CCDC171: variants seen among roughly 807,000 people sequenced by gnomAD.
CCDC171 encodes the protein coiled-coil domain-containing protein 171.
In CCDC171, 177 loss-of-function variants were observed where a neutral mutation model predicts 168.2. That is an observed-to-expected ratio of 1.05 (90% CI 0.93 to 1.19). The LOEUF (loss-of-function observed/expected upper bound fraction) is 1.19. Ranked by LOEUF, CCDC171 falls within the 50% of genes most tolerant of loss-of-function variation. The pLI is 0.00. For missense variants in CCDC171, 1,991 were observed against 1,539.0 expected, an observed-to-expected ratio of 1.29 and a Z score of -4.91; for synonymous variants, 687 against 540.8, an observed-to-expected ratio of 1.27 and a Z score of -3.75.
chr9:15,822,977 C>G (rs1275026261), intron 21 of CCDC171, among the ~76,000 whole-genome samples: 10 of 152,102 alleles, frequency 6.6e-5, no homozygotes, highest in Non-Finnish European at 1.5e-4. Flanking sequence ...AATTGTGGCA[C>G]ATATACACAA....
chr9:15,639,016 A>T (rs1335301015), intron 7 of CCDC171, among the ~76,000 whole-genome samples: 6 of 152,252 alleles, frequency 3.9e-5, no homozygotes, highest in Non-Finnish European at 8.8e-5. Flanking sequence ...CTTTGCAAAT[A>T]AATTCTGAAT....
At chr9:15,718,666 T>C (rs1270854198) in intron 11 of CCDC171, among the ~76,000 whole-genome samples, 1 of 151,936 alleles carries the variant, frequency 6.6e-6, no homozygotes, top group African/African-American at 2.4e-5. Flanking sequence ...GCAACAAGAG[T>C]CTCTATGTAG....
chr9:15,828,200 G>A (rs2060093147), intron 21 of CCDC171, among the ~76,000 whole-genome samples: 1 of 152,098 alleles, frequency 6.6e-6, no homozygotes, highest in Non-Finnish European at 1.5e-5. Context: ...GTGAGGAAAT[G>A]CATAGTTGTT....
At chr9:15,648,928 C>T (rs1329321208) in intron 7 of CCDC171, among the ~76,000 whole-genome samples, 1 of 152,200 alleles carries the variant, frequency 6.6e-6, no homozygotes, top group African/African-American at 2.4e-5. Flanking sequence ...AGAAAAGAGA[C>T]CGCATTGCCA....
chr9:16,102,115 T>G, the CCDC171 span, among the ~76,000 whole-genome samples: 1 of 152,196 alleles, frequency 6.6e-6, no homozygotes, highest in South Asian at 2.1e-4. Context: ...GGGTTTCTGG[T>G]GTAGGCACCA....
chr9:15,982,396 A>G (rs772902287), intron 3 of CCDC171, among the ~76,000 whole-genome samples: 2 of 152,098 alleles, frequency 1.3e-5, no homozygotes, highest in Non-Finnish European at 2.9e-5. Context: ...TACCTTCTCT[A>G]CTGAGCTCTT....
chr9:15,994,600 C>G (rs2132925735), intron 3 of CCDC171, among the ~76,000 whole-genome samples: 1 of 151,996 alleles, frequency 6.6e-6, no homozygotes, highest in African/African-American at 2.4e-5. Flanking sequence ...AAAAGTTTCT[C>G]TTAGATTTTA....
At chr9:16,011,670 C>T (rs897511115) in intron 3 of CCDC171, among the ~76,000 whole-genome samples, 1 of 152,134 alleles carries the variant, frequency 6.6e-6, no homozygotes, top group African/African-American at 2.4e-5. Flanking sequence ...TCCATACAGT[C>T]ATTCAGCATT....
chr9:16,070,604 G>A, the CCDC171 span, among the ~76,000 whole-genome samples: 1 of 152,174 alleles, frequency 6.6e-6, no homozygotes, highest in Non-Finnish European at 1.5e-5. Flanking sequence ...GGGAAGCCAG[G>A]GATGGGTGTG....
the CCDC171 span, among the ~76,000 whole-genome samples, chr9:16,080,304 T>C: frequency 1.3e-5 from 2 of 152,224 alleles, no homozygotes; most frequent in Non-Finnish European, 2.9e-5. Flanking sequence ...TTATTGGTTT[T>C]TTTCCCCCAG....
At chr9:15,804,068 G>T (rs1333420156) in intron 21 of CCDC171, among the ~76,000 whole-genome samples, 1 of 152,052 alleles carries the variant, frequency 6.6e-6, no homozygotes, top group African/African-American at 2.4e-5. Flanking sequence ...AGTGATTTTT[G>T]CACATTGATT....
At position 16,008,411 on chromosome 9, in the gene CCDC171, C is replaced by T. The variant is rs144605419; in HGVS notation, n.369-12178C>T. On this transcript the variant is annotated intron_variant and non_coding_transcript_variant, in intron 3 of 9. Coordinates refer to the CCDC171 transcript ENST00000486641. ...CTCATCTAAGTCTGACATACTTGTC[C>T]GCACATTCGTGACTATAGAGGTTAT... Among the ~76,000 whole-genome samples, 652 of 152,052 alleles carry T rather than the reference C, an allele frequency of 4.3e-3. 3 individuals are homozygous for T. Among genetic ancestry groups the T allele is most frequent in the Non-Finnish European group, 6.4e-3 (438 of 67,962 alleles).
intron 24 of CCDC171, among the ~76,000 whole-genome samples, chr9:15,895,282 G>C (rs113255051): frequency 2.6e-5 from 4 of 152,220 alleles, no homozygotes; most frequent in African/African-American, 9.6e-5. Flanking sequence ...TCAGAGAATG[G>C]CTGCCTTTTG....
At chr9:15,836,914 C>G (rs1319110239) in intron 21 of CCDC171, among the ~76,000 whole-genome samples, 1 of 152,160 alleles carries the variant, frequency 6.6e-6, no homozygotes, top group Non-Finnish European at 1.5e-5. Flanking sequence ...AAATCTACTG[C>G]GGTAACTTAT....
intron 9 of CCDC171, among the ~76,000 whole-genome samples, chr9:15,670,696 A>C (rs569078117): frequency 1.1e-4 from 17 of 152,108 alleles, no homozygotes; most frequent in African/African-American, 3.1e-4. Flanking sequence ...TATTTTTTCT[A>C]CAGTTTAATT....
At chr9:16,089,223 A>G in the CCDC171 span, among the ~76,000 whole-genome samples, 105 of 152,118 alleles carry the variant, frequency 6.9e-4, no homozygotes, top group African/African-American at 2.4e-3. Flanking sequence ...GATAGATTAT[A>G]GACTTAAACA....
chr9:16,022,024 T>C (rs1833179470), intron 4 of CCDC171, among the ~76,000 whole-genome samples: 1 of 152,206 alleles, frequency 6.6e-6, no homozygotes, highest in African/African-American at 2.4e-5. Context: ...CTTCCACTGC[T>C]ACCATATCTA....
At chr9:15,661,028 C>G (rs1263719097) in intron 8 of CCDC171, among the ~76,000 whole-genome samples, 1 of 152,208 alleles carries the variant, frequency 6.6e-6, no homozygotes, top group South Asian at 2.1e-4. Context: ...CGCCTGTAAT[C>G]CCAGCACTTT....
At chr9:16,011,025 T>C (rs1056220081) in intron 3 of CCDC171, among the ~76,000 whole-genome samples, 5 of 152,178 alleles carry the variant, frequency 3.3e-5, no homozygotes, top group African/African-American at 1.2e-4. Flanking sequence ...CTCCAGCATC[T>C]GCAAATGGGA....
Sources: gnomAD v4.1 joint callset for allele counts (sites outside exome capture counted in the v4.1 genomes callset) on GRCh38, gnomAD v4.1.1 for gene constraint, MANE v1.5 for transcripts, NCBI Gene and HGNC (gene_info 2026-07-23, HGNC 2026-07-21) for gene names.